The following SNX24 variants were observed in gnomAD, a reference collection of about 807,000 sequenced individuals.
SNX24 encodes the protein sorting nexin-24.
SNX24 carries 22 observed loss-of-function variants against 28.7 expected under a neutral mutation model. That is an observed-to-expected ratio of 0.77 (90% CI 0.55 to 1.10). The LOEUF (loss-of-function observed/expected upper bound fraction) is 1.10, where lower values mean the gene tolerates loss of function less well. Ranked by LOEUF, SNX24 falls within the 50% of genes least tolerant of loss-of-function variation. The pLI is 0.00. For synonymous variants in SNX24, 69 were observed against 71.5 expected (o/e 0.96, Z 0.18); for missense variants, 221 against 201.1 (o/e 1.10, Z -0.60).
At chr5:122,852,558 G>T (rs1200795226) in intron 1 of SNX24, among the ~76,000 whole-genome samples, 1 of 152,038 alleles carries the variant, frequency 6.6e-6, no homozygotes, top group African/African-American at 2.4e-5. Flanking sequence ...GCCCAGGCTG[G>T]TCTCGAACTT....
intron 1 of SNX24, among the ~76,000 whole-genome samples, chr5:122,872,415 G>A (rs927989495): frequency 1.6e-4 from 24 of 151,768 alleles, no homozygotes; most frequent in South Asian, 2.1e-4. Context: ...TACTTTCTCC[G>A]TTTATAAAAA....
At chr5:122,931,003 C>A (rs1758929039) in intron 1 of SNX24, among the ~76,000 whole-genome samples, 1 of 152,068 alleles carries the variant, frequency 6.6e-6, no homozygotes, top group South Asian at 2.1e-4. Context: ...GTCCCAGTTT[C>A]CAAAAACCTC....
chr5:122,886,917 C>A (rs779310699), intron 1 of SNX24, among the ~76,000 whole-genome samples: 3 of 152,070 alleles, frequency 2.0e-5, no homozygotes, highest in Non-Finnish European at 2.9e-5. Context: ...CTCCCTCATC[C>A]CACTTTTGTT....
intron 3 of SNX24, among the ~76,000 whole-genome samples, chr5:122,999,380 G>C (rs1194013412): frequency 6.6e-6 from 1 of 151,484 alleles, no homozygotes; most frequent in Non-Finnish European, 1.5e-5. Flanking sequence ...GATAGTTGAG[G>C]GTTCTTGACT....
At position 122,855,198 on chromosome 5, in the gene SNX24, A is replaced by G. The variant is rs967854036; in HGVS notation, c.60+9505A>G. Among the ~76,000 whole-genome samples, 20 of 152,048 alleles carry G rather than the reference A, an allele frequency of 1.3e-4. 1 individual carries two copies. The highest frequency in any genetic ancestry group is 2.4e-5 in the African/African-American group (1 of 41,400). ...CAATTTCTCCTGCCTCAGCCTGCCA[A>G]GTAGCTGGGACTACAGGTGCAGGCC... On this transcript the variant is annotated intron_variant, in intron 1 of 6. Coordinates refer to ENST00000261369, the MANE Select transcript of SNX24 (RefSeq NM_014035.4).
At chr5:123,002,165 T>G (rs1166069315) in intron 6 of SNX24, 161 bp downstream of exon 6, 1 of 637,442 alleles carries the variant, frequency 1.6e-6, no homozygotes, top group African/African-American at 1.8e-5. Flanking sequence ...AGAATTTTAA[T>G]TGGGGCTGGC....
rs774681552 is a variant in SNX24 at position 123,001,401 on chromosome 5, T to G, written c.345-4T>G. The G allele has an allele frequency of 6.2e-7, 1 of 1,600,408 alleles. No individual in the cohort carries two copies. Among genetic ancestry groups the G allele is most frequent in the Non-Finnish European group, 8.6e-7 (1 of 1,168,872 alleles). On this transcript the variant is annotated splice_region_variant and splice_polypyrimidine_tract_variant and intron_variant, in intron 4 of 6. Transcript: ENST00000261369. ...TTGTTTTTTTCCTTTTTCAAAACTT[T>G]TAGATCTTTTGATGAAACAGAGTCT... is the stretch of plus-strand genomic sequence containing the variant.
At chr5:122,976,778 G>A (rs1761183116) in intron 3 of SNX24, among the ~76,000 whole-genome samples, 1 of 152,246 alleles carries the variant, frequency 6.6e-6, no homozygotes, top group African/African-American at 2.4e-5. Context: ...AATGCCTAGA[G>A]TGCGTAAAAC....
At chr5:122,913,390 G>A (rs550820246) in intron 1 of SNX24, among the ~76,000 whole-genome samples, 8 of 148,990 alleles carry the variant, frequency 5.4e-5, no homozygotes, top group East Asian at 2.0e-4. Context: ...GGCTGGGCGG[G>A]TGGCTGACCC....
chr5:122,848,833 G>A (rs1754770861), intron 1 of SNX24, among the ~76,000 whole-genome samples: 1 of 152,194 alleles, frequency 6.6e-6, no homozygotes, highest in Non-Finnish European at 1.5e-5. Context: ...TCCCCCAGAA[G>A]TAAAGTTTCT....
Position 123,007,892 on chromosome 5 carries a change from C to A in SNX24, c.*143C>A. The A allele has an allele frequency of 6.9e-7, 1 of 1,458,640 alleles. No homozygotes were observed. Among genetic ancestry groups the A allele is most frequent in the African/African-American group, 1.4e-5 (1 of 69,492 alleles). 90.4% of individuals were successfully genotyped at this position (1,458,640 alleles called of 1,614,324 possible). A position where few individuals can be genotyped will look rare whatever the true frequency, so the allele number is the denominator to read the frequency against. Reference sequence around the variant, plus strand: ...TGCACAGTCCCAGCTTAATTCAGGGCAGGGACATTTCCATTAGAATGGTGC... The same window carrying A: ...TGCACAGTCCCAGCTTAATTCAGGGAAGGGACATTTCCATTAGAATGGTGC... On this transcript the variant is annotated 3_prime_UTR_variant, in exon 7 of 7. Transcript: ENST00000261369.
At chr5:122,989,896 C>A (rs917790472) in intron 3 of SNX24, among the ~76,000 whole-genome samples, 1 of 152,056 alleles carries the variant, frequency 6.6e-6, no homozygotes, top group African/African-American at 2.4e-5. Flanking sequence ...CAGCTTGGAC[C>A]CCCTGTGTAG....
At chr5:122,852,302 G>A (rs934568644) in intron 1 of SNX24, among the ~76,000 whole-genome samples, 5 of 151,844 alleles carry the variant, frequency 3.3e-5, no homozygotes, top group Admixed American at 2.0e-4. Flanking sequence ...CACTGAGTGA[G>A]GGAGCCTGGC....
In SNX24 at chr5:123,008,995, T is replaced by A. The variant is rs1762505657; in HGVS notation, c.*1246T>A. 1 of 985,800 alleles carries A rather than the reference T, an allele frequency of 1.0e-6. No homozygotes were observed. The allele number at this position is 985,800 out of a possible 1,614,324, so 61.1% of individuals were successfully genotyped here. On this transcript the variant is annotated 3_prime_UTR_variant, in exon 7 of 7. Transcript: ENST00000261369. ...AAAATCAAAACTAATAACTACATCA[T>A]GGTTTTTGATTAGGATCTAAATATT...
intron 1 of SNX24, chr5:122,853,767 C>G (rs995457406): frequency 3.1e-6 from 1 of 320,792 alleles, no homozygotes; most frequent in Admixed American, 3.8e-5. Flanking sequence ...GCATTACAGC[C>G]GTAAGCCACT....
intron 5 of SNX24, chr5:123,028,604 C>A: frequency 1.9e-6 from 1 of 513,312 alleles, no homozygotes; most frequent in South Asian, 3.8e-5. Flanking sequence ...TCCCTCATAC[C>A]TGTCGAGATG....
In SNX24 at chr5:123,007,702, G is replaced by A; in HGVS notation, c.463G>A (p.Glu155Lys). 4 of 1,531,946 alleles carry A rather than the reference G, an allele frequency of 2.6e-6. No individual in the cohort carries two copies. The highest frequency in any genetic ancestry group is 3.5e-6 in the Non-Finnish European group (4 of 1,136,310). The allele number at this position is 1,531,946 out of a possible 1,614,324, so 94.9% of individuals were successfully genotyped here. A position where few individuals can be genotyped will look rare whatever the true frequency, so the allele number is the denominator to read the frequency against. The change falls in exon 7 of 7, where the codon GAA (glutamate) becomes AAA (lysine). Residue 155 changes from glutamate to lysine, a missense_variant. Transcript: ENST00000261369. ...AASDFPNVVIEGVLHGIFYPH... is the reference protein window; with the variant it reads ...AASDFPNVVIKGVLHGIFYPH... ...TTCAGATTTTCCAAATGTGGTTATT[G>A]AAGGAGTCCTCCATGGGATATTTTA... is the stretch of plus-strand genomic sequence containing the variant.
intron 3 of SNX24, among the ~76,000 whole-genome samples, chr5:122,950,943 G>C (rs1379395841): frequency 2.0e-5 from 3 of 152,088 alleles, no homozygotes; most frequent in African/African-American, 7.2e-5. Flanking sequence ...GGAATTCAAG[G>C]CTCTTTCCTA....
chr5:123,027,792 A>G (rs1029081825), intron 5 of SNX24, among the ~76,000 whole-genome samples: 1 of 152,260 alleles, frequency 6.6e-6, no homozygotes, highest in African/African-American at 2.4e-5. Context: ...TATTTGTTGA[A>G]TTAAAAATCT....
Sources: allele counts gnomAD v4.1 joint callset (sites outside exome capture counted in the v4.1 genomes callset), GRCh38; gene constraint gnomAD v4.1.1; transcripts MANE v1.5; gene names NCBI Gene and HGNC (gene_info 2026-07-23, HGNC 2026-07-21).